Variants in LURAP1L observed in about 807,000 individuals in gnomAD.
The protein encoded by LURAP1L is leucine rich adaptor protein 1 like.
A neutral mutation model predicts 13.8 loss-of-function variants in LURAP1L; 12 were observed. The observed-to-expected ratio is 0.87, with a 90% CI of 0.56 to 1.41. The LOEUF is 1.41. LURAP1L is among the 40% of genes most tolerant of loss of function. LURAP1L has a pLI of 0.00. For missense variants in LURAP1L, 375 were observed against 292.9 expected (o/e 1.28, Z -2.04); for synonymous variants, 139 against 119.2 (o/e 1.17, Z -1.08).
Position 12,775,644 on chromosome 9 carries a change from A to C in LURAP1L, c.-72A>C, listed in dbSNP as rs1159945079. On this transcript the variant is annotated 5_prime_UTR_variant, in exon 1 of 2. Transcript: ENST00000319264. ...CCCCGGAGAGGTCTGCTGATTTCGC[A>C]GCAGCCTTCGAAGCCGTGGCTGCCT... 2 of 1,510,440 alleles carry C rather than the reference A, an allele frequency of 1.3e-6. No individual in the cohort carries two copies. Among genetic ancestry groups the C allele is most frequent in the Admixed American group, 2.3e-5 (1 of 42,782 alleles). 93.6% of individuals were successfully genotyped at this position (1,510,440 alleles called of 1,614,324 possible).
intron 1 of LURAP1L, chr9:12,777,259 G>C: frequency 1.0e-6 from 1 of 985,328 alleles, no homozygotes; most frequent in East Asian, 1.1e-4. Context: ...GAAAGTGGAA[G>C]TCATCTTGAT....
In LURAP1L at chr9:12,821,493, C is replaced by T. The variant is rs752160493; in HGVS notation, c.420C>T (p.Ser140=). Residue 140 remains serine, a synonymous_variant, in exon 2 of 2, where the codon AGC becomes AGT. Transcript: ENST00000319264. ...TCGAAGAAAAAGCCACCATTACCAG[C>T]AGAGGCAGCAGCCTCAGTGGCAGCC... ...WMIEEKATIT[S]RGSSLSGSLC... 2.9e-5 allele frequency: 47 copies of T among 1,614,060 alleles called. No homozygotes were observed. Among genetic ancestry groups the T allele is most frequent in the Non-Finnish European group, 3.3e-5 (39 of 1,180,042 alleles).
chr9:12,781,081 C>T (rs1157179694), intron 1 of LURAP1L, among the ~76,000 whole-genome samples: 3 of 152,142 alleles, frequency 2.0e-5, no homozygotes, highest in African/African-American at 7.2e-5. Context: ...AAGCGATTCT[C>T]CTGCCTCAGC....
chr9:12,815,699 G>A (rs1819795946), intron 1 of LURAP1L, among the ~76,000 whole-genome samples: 1 of 152,098 alleles, frequency 6.6e-6, no homozygotes, highest in African/African-American at 2.4e-5. Context: ...TAATGGAGGA[G>A]GGCTTTATGA....
intron 1 of LURAP1L, among the ~76,000 whole-genome samples, chr9:12,785,668 A>T (rs1041907987): frequency 6.6e-6 from 1 of 152,162 alleles, no homozygotes; most frequent in African/African-American, 2.4e-5. Context: ...GCAAAGTCCC[A>T]TAATCACTGT....
At chr9:12,821,191 G>A (rs1052513331) in intron 1 of LURAP1L, among the ~76,000 whole-genome samples, 195 bp from the exon 2 acceptor site, 1 of 152,116 alleles carries the variant, frequency 6.6e-6, no homozygotes, top group Non-Finnish European at 1.5e-5. Context: ...GATGCATCTG[G>A]CAGGAAGTGA....
intron 1 of LURAP1L, among the ~76,000 whole-genome samples, chr9:12,782,504 C>G (rs1464125479): frequency 6.6e-6 from 1 of 152,154 alleles, no homozygotes; most frequent in Non-Finnish European, 1.5e-5. Context: ...TATCTTTTCT[C>G]CAGTGTATGT....
chr9:12,775,476 T>C lies in LURAP1L; in HGVS notation c.-240T>C. 2 of 486,844 alleles carry C rather than the reference T, an allele frequency of 4.1e-6. No homozygotes were observed. The highest frequency in any genetic ancestry group is 6.9e-6 in the Non-Finnish European group (2 of 288,466). 30.2% of individuals were successfully genotyped at this position (486,844 alleles called of 1,614,324 possible). A position where few individuals can be genotyped will look rare whatever the true frequency, so the allele number is the denominator to read the frequency against. On this transcript the variant is annotated 5_prime_UTR_variant, in exon 1 of 2. Transcript: ENST00000319264. ...AAGAGAGAGAATGAGGAGATCTTGA[T>C]CATCTTAGTGTCGGAGGAGTCGCAG...
intron 1 of LURAP1L, among the ~76,000 whole-genome samples, chr9:12,817,376 T>C (rs1484712545): frequency 6.6e-6 from 1 of 152,126 alleles, no homozygotes; most frequent in Non-Finnish European, 1.5e-5. Context: ...TGGCATAGAG[T>C]GGTGACCAGG....
Position 12,776,046 on chromosome 9 carries a change from C to G in LURAP1L, c.312+19C>G. The G allele has an allele frequency of 5.6e-6, 9 of 1,612,132 alleles. No individual in the cohort carries two copies. The highest frequency in any genetic ancestry group is 6.8e-6 in the Non-Finnish European group (8 of 1,179,122). On this transcript the variant is annotated intron_variant, in intron 1 of 1. Transcript: ENST00000319264. ...AGAGATGGTGAGTGTGGTGCGCCAG[C>G]CGCGGGGGCTGGGACCTGGGCTGGG...
chr9:12,797,172 C>T (rs989491483), intron 1 of LURAP1L, among the ~76,000 whole-genome samples: 6 of 152,054 alleles, frequency 3.9e-5, no homozygotes, highest in Non-Finnish European at 8.8e-5. Flanking sequence ...TACCAGGACT[C>T]TTGCTATTTC....
Position 12,775,951 on chromosome 9 carries a change from C to T in LURAP1L, c.236C>T (p.Ser79Phe), listed in dbSNP as rs1819173438. ...TCCTCCTCTTCGTCCTCCCCAACCTCTGGCTCCCCACGAGGTAGCCACTCT... is the reference window on the plus strand; with the variant it reads ...TCCTCCTCTTCGTCCTCCCCAACCTTTGGCTCCCCACGAGGTAGCCACTCT... ...LSSSSSSSPTSGSPRGSHSSA... is the reference protein window; with the variant it reads ...LSSSSSSSPTFGSPRGSHSSA... Residue 79 changes from serine (S) to phenylalanine (F), a missense_variant, in exon 1 of 2, where the codon TCT becomes TTT. Physicochemically the swap from Ser to Phe is radical, Grantham distance 155 (BLOSUM62 -2). Coordinates refer to ENST00000319264, the MANE Select transcript of LURAP1L (RefSeq NM_203403.2). 3 of 1,590,272 alleles carry T rather than the reference C, an allele frequency of 1.9e-6. No homozygotes were observed. The highest frequency in any genetic ancestry group is 1.3e-5 in the African/African-American group (1 of 74,240).
intron 1 of LURAP1L, among the ~76,000 whole-genome samples, chr9:12,789,032 A>G (rs77425373): frequency 0.064 from 9,627 of 151,284 alleles, 400 homozygotes; most frequent in South Asian, 0.086. Context: ...GCACCACTGC[A>G]TTCCAGGTTA....
chr9:12,820,676 G>C (rs938479376), intron 1 of LURAP1L, among the ~76,000 whole-genome samples: 3 of 152,038 alleles, frequency 2.0e-5, no homozygotes, highest in Non-Finnish European at 4.4e-5. Flanking sequence ...AATTGGATCA[G>C]CCTAGTGTAT....
Position 12,775,659 on chromosome 9 carries a change from C to G in LURAP1L, c.-57C>G. ...CTGATTTCGCAGCAGCCTTCGAAGC[C>G]GTGGCTGCCTTTCATCTGCTGCGTT... On this transcript the variant is annotated 5_prime_UTR_variant, in exon 1 of 2. Coordinates refer to ENST00000319264, the MANE Select transcript of LURAP1L (RefSeq NM_203403.2). 1 of 1,520,550 alleles carries G rather than the reference C, an allele frequency of 6.6e-7. No homozygotes were observed. The highest frequency in any genetic ancestry group is 2.3e-5 in the East Asian group (1 of 43,908). 94.2% of individuals were successfully genotyped at this position (1,520,550 alleles called of 1,614,324 possible).
At chr9:12,783,803 G>A (rs1379893933) in intron 1 of LURAP1L, among the ~76,000 whole-genome samples, 1 of 148,924 alleles carries the variant, frequency 6.7e-6, no homozygotes, top group Non-Finnish European at 1.5e-5. Flanking sequence ...GTAAAATTCA[G>A]CAATGAAGCT....
chr9:12,786,224 A>G (rs1819347737), intron 1 of LURAP1L, among the ~76,000 whole-genome samples: 1 of 151,988 alleles, frequency 6.6e-6, no homozygotes, highest in African/African-American at 2.4e-5. Context: ...AGAAATTCTT[A>G]TCTAGTCAAA....
intron 1 of LURAP1L, among the ~76,000 whole-genome samples, chr9:12,807,118 T>TATATATATATATA (rs1563896115): frequency 3.0e-5 from 4 of 133,746 alleles, no homozygotes; most frequent in Admixed American, 8.2e-5. Flanking sequence ...TATATATATA[T>TATATATATATATA]TAGCCGGGCG....
At chr9:12,779,314 G>A (rs191557521) in intron 1 of LURAP1L, among the ~76,000 whole-genome samples, 3 of 113,666 alleles carry the variant, frequency 2.6e-5, no homozygotes, top group East Asian at 3.0e-4. Context: ...TCGCCCTATC[G>A]CCCAGGCTGG....
Sources: gnomAD v4.1 joint callset for allele counts (sites outside exome capture counted in the v4.1 genomes callset) on GRCh38, gnomAD v4.1.1 for gene constraint, MANE v1.5 for transcripts, NCBI Gene and HGNC (gene_info 2026-07-23, HGNC 2026-07-21) for gene names.